The following EVC variants were observed in gnomAD, a reference collection of about 807,000 sequenced individuals.
EVC encodes evC complex member EVC.
A neutral mutation model predicts 118.9 loss-of-function variants in EVC; 116 were observed. The observed-to-expected ratio is 0.98, with a 90% CI of 0.84 to 1.14. EVC has a LOEUF of 1.14. Among genes scored for constraint, EVC ranks in the 50% most tolerant of loss-of-function variants. The probability of loss-of-function intolerance (pLI) is 0.00; values close to 1 mark genes in which losing one functional copy is unlikely to be tolerated. For missense variants in EVC, 1,401 were observed against 1,246.4 expected (o/e 1.12, Z -1.87); for synonymous variants, 619 against 534.7 (o/e 1.16, Z -2.18).
rs1731112672 is a variant in EVC, at chr4:5,755,994, G to A, written c.1465-270G>A. 6.6e-6 allele frequency among the ~76,000 whole-genome samples: 1 copy of A among 152,206 alleles called. No homozygotes were observed. The highest frequency in any genetic ancestry group is 1.5e-5 in the Non-Finnish European group (1 of 68,040). ...GGGTGGCTGCAGCCAGGACAGAGGA[G>A]TGACAGAAGTGGTCCAGTGGCCCCT... On this transcript the variant is annotated intron_variant, in intron 10 of 20. Transcript: ENST00000264956. This position sits in a 1 kb window ranked among gnomAD's most constrained non-coding sequence, Gnocchi z 4.1.
chr4:5,828,149 A>C, the EVC span: 2 of 985,284 alleles, frequency 2.0e-6, no homozygotes, highest in African/African-American at 3.5e-5. Flanking sequence ...CAAAAGGAGG[A>C]TCACAGCACC....
At chr4:5,796,342 A>T (rs1713965416) in intron 13 of EVC, among the ~76,000 whole-genome samples, 1 of 151,932 alleles carries the variant, frequency 6.6e-6, no homozygotes, top group African/African-American at 2.4e-5. Flanking sequence ...TTTTTATTGG[A>T]TGATGACCAC....
At chr4:5,771,682 G>C (rs939190179) in intron 11 of EVC, among the ~76,000 whole-genome samples, 1 of 152,184 alleles carries the variant, frequency 6.6e-6, no homozygotes, top group Non-Finnish European at 1.5e-5. Flanking sequence ...GAGAGAAAAT[G>C]ACAGAAGCCT....
At chr4:5,806,693 T>G (rs1012063466) in intron 17 of EVC, among the ~76,000 whole-genome samples, 1 of 152,248 alleles carries the variant, frequency 6.6e-6, no homozygotes, top group Non-Finnish European at 1.5e-5. Flanking sequence ...TATTTTCCTT[T>G]GGGTAGATAC....
intron 11 of EVC, among the ~76,000 whole-genome samples, chr4:5,775,436 T>C (rs1417715674): frequency 1.3e-5 from 2 of 152,084 alleles, no homozygotes; most frequent in African/African-American, 4.8e-5. Flanking sequence ...GATACAGAAA[T>C]CAGATCCCTA....
chr4:5,804,621 T>C, intron 16 of EVC, 109 bp from the exon 17 acceptor site: 1 of 858,202 alleles, frequency 1.2e-6, no homozygotes, highest in East Asian at 2.5e-5. Context: ...GGATACACTC[T>C]TGGAGAGCTG....
At chr4:5,752,811 T>C (rs773941810) in intron 8 of EVC, 25 bp from the exon 9 acceptor site, 17 of 1,612,078 alleles carry the variant, frequency 1.1e-5, no homozygotes, top group Non-Finnish European at 2.5e-6. Context: ...ACCCCAGCTA[T>C]GGTCCTGTGT....
intron 2 of EVC, among the ~76,000 whole-genome samples, chr4:5,727,712 C>T (rs1393044458): frequency 7.0e-4 from 107 of 151,880 alleles, no homozygotes; most frequent in Admixed American, 9.2e-4. Context: ...TTAGGTCTAA[C>T]GTTTAAGTCT....
intron 5 of EVC, among the ~76,000 whole-genome samples, chr4:5,735,836 C>T (rs373312584): frequency 8.0e-4 from 122 of 152,248 alleles, no homozygotes; most frequent in African/African-American, 2.7e-3. Context: ...TGATTGGCAC[C>T]GCCCTGAAAG....
chr4:5,714,685 A>G (rs945527682), intron 1 of EVC, among the ~76,000 whole-genome samples: 2 of 152,184 alleles, frequency 1.3e-5, no homozygotes, highest in Non-Finnish European at 2.9e-5. Flanking sequence ...CATTATTACA[A>G]TTCTACAAAC....
chr4:5,778,506 T>C lies in EVC; in HGVS notation c.1564-5046T>C, dbSNP rs1449995831. Among the ~76,000 whole-genome samples, 14 of 152,154 alleles carry C rather than the reference T, an allele frequency of 9.2e-5. No homozygotes were observed. In the East Asian group the frequency reaches 1.5e-3, roughly 17 times the overall value. Reference sequence around the variant, plus strand: ...CACATCCTCTCCAGCACCTGTTGTTTCCTGACTTTTTAATGATTGCCATTC... The same window carrying C: ...CACATCCTCTCCAGCACCTGTTGTTCCCTGACTTTTTAATGATTGCCATTC... On this transcript the variant is annotated intron_variant, in intron 11 of 20. Transcript: ENST00000264956.
At chr4:5,751,966 A>ACAG (rs1488736170) in intron 8 of EVC, among the ~76,000 whole-genome samples, 5 of 152,122 alleles carry the variant, frequency 3.3e-5, no homozygotes, top group Non-Finnish European at 7.4e-5. Context: ...CAGGGCAGCA[A>ACAG]CAGGAGGGTT....
chr4:5,729,650 A>G (rs2151921769), intron 3 of EVC, among the ~76,000 whole-genome samples: 1 of 152,234 alleles, frequency 6.6e-6, no homozygotes, highest in East Asian at 1.9e-4. Flanking sequence ...TGCCTTTTTA[A>G]CACTAATACA....
At chr4:5,747,991 A>C (rs1729625994) in intron 7 of EVC, 157 bp from the exon 8 acceptor site, 1 of 838,084 alleles carries the variant, frequency 1.2e-6, no homozygotes, top group Non-Finnish European at 1.9e-6. Flanking sequence ...TTCACTGTAG[A>C]ACGTGATTGT....
In EVC at chr4:5,797,165, A is replaced by G. The variant is rs1714120942; in HGVS notation, c.2030A>G (p.Gln677Arg). 2 of 1,613,450 alleles carry G rather than the reference A, an allele frequency of 1.2e-6. No homozygotes were observed. Among genetic ancestry groups the G allele is most frequent in the Non-Finnish European group, 1.7e-6 (2 of 1,180,026 alleles). Reference protein sequence around the residue: ...KKHLLQELREQRALEQGSSQC... With the variant: ...KKHLLQELRERRALEQGSSQC... ...CACCTCCTGCAGGAGCTGCGGGAAC[A>G]GCGTGCACTGGAGCAGGGGTCCTCC... The change falls in exon 14 of 21, where the codon CAG (glutamine) becomes CGG (arginine). Residue 677 changes from glutamine (Q) to arginine (R), a missense_variant. By Grantham distance (43) the Gln-to-Arg change is conservative (BLOSUM62 1). Transcript: ENST00000264956.
intron 11 of EVC, among the ~76,000 whole-genome samples, chr4:5,773,554 A>G (rs890688819): frequency 7.2e-5 from 11 of 152,274 alleles, no homozygotes; most frequent in Middle Eastern, 3.4e-3. Context: ...CACCTTGAGA[A>G]GTCCCTGCAA....
At position 5,719,252 on chromosome 4, in the gene EVC, A is replaced by C; in HGVS notation, c.179A>C (p.Asp60Ala). Residue 60 changes from aspartate (D) to alanine (A), a missense_variant, in exon 2 of 21, where the codon GAC (aspartate) becomes GCC (alanine). By Grantham distance (126) the Asp-to-Ala change is moderately radical. Transcript: ENST00000264956. This position sits in a 1 kb window ranked among gnomAD's most constrained non-coding sequence, Gnocchi z 4.7. ...AGRQRTRHQK[D>A]DTQNLLKNLE... The stretch of plus-strand genomic sequence containing the variant: ...CTCCTGACCTTCGGGTTTTAGAAAG[A>C]CGACACTCAAAATCTGCTCAAGAAT... 2 of 1,614,198 alleles carry C rather than the reference A, an allele frequency of 1.2e-6. No individual in the cohort carries two copies. The highest frequency in any genetic ancestry group is 1.7e-6 in the Non-Finnish European group (2 of 1,180,034).
rs995768622 is a variant in EVC, at chr4:5,761,799, C to T, written c.1563+5437C>T. Among the ~76,000 whole-genome samples the T allele has an allele frequency of 5.9e-5, 9 of 151,822 alleles. 1 individual carries two copies. Among genetic ancestry groups the T allele is most frequent in the African/African-American group, 1.7e-4 (7 of 41,234 alleles). ...AAGGGGTACAATGAGTTGTGTTCCA[C>T]CTCTCATCCCGACCTTTACGGCACC... On this transcript the variant is annotated intron_variant, in intron 11 of 20. Coordinates refer to ENST00000264956, the MANE Select transcript of EVC (RefSeq NM_153717.3).
Position 5,810,963 on chromosome 4 carries a change from CT to C in EVC, c.2906del (p.Leu969ArgfsTer18). 6.2e-7 allele frequency: 1 copy of C among 1,612,380 alleles called. No individual in the cohort carries two copies. The highest frequency in any genetic ancestry group is 8.5e-7 in the Non-Finnish European group (1 of 1,179,136). ...QTSGSLSSKR[L>X]SQQESEAGDS... The stretch of plus-strand genomic sequence containing the variant: ...CTTCTCTGTTTTAAGCAGCAAAAGG[CT>C]GAGTCAGCAAGAAAGTGAAGCTGGG... On this transcript the variant is annotated frameshift_variant, in exon 21 of 21. Transcript: ENST00000264956. LOFTEE classifies it low-confidence loss of function (END_TRUNC).
Sources: allele counts gnomAD v4.1 joint callset (sites outside exome capture counted in the v4.1 genomes callset), GRCh38; gene constraint gnomAD v4.1.1; non-coding constraint Gnocchi (gnomAD v3.1); transcripts MANE v1.5; gene names NCBI Gene and HGNC (gene_info 2026-07-23, HGNC 2026-07-21).